Variants in LPIN3 observed in about 807,000 individuals in gnomAD.
LPIN3 encodes the protein lipin 3, also known as phosphatidate phosphatase LPIN3.
LPIN3 carries 82 observed loss-of-function variants against 94.7 expected under a neutral mutation model. That is an observed-to-expected ratio of 0.87 (90% confidence interval 0.72 to 1.04). The LOEUF (loss-of-function observed/expected upper bound fraction) is 1.04, where lower values mean the gene tolerates loss of function less well. Ranked by LOEUF, LPIN3 falls within the 50% of genes least tolerant of loss-of-function variation. LPIN3 has a pLI of 0.00. For synonymous variants in LPIN3, 418 were observed against 443.3 expected, an observed-to-expected ratio of 0.94 and a Z score of 0.72; for missense variants, 996 against 1,090.5, an observed-to-expected ratio of 0.91 and a Z score of 1.22.
Position 41,359,125 on chromosome 20 carries a change from T to A in LPIN3, c.*259T>A. The stretch of plus-strand genomic sequence containing the variant: ...GTCATCTGGGCCCTTGCAGGGTTCT[T>A]TTTTTTTTTTTTTTTTTTTTTTTCC... On this transcript the variant is annotated 3_prime_UTR_variant, in exon 20 of 20. Transcript: ENST00000373257. 19 of 167,826 alleles carry A rather than the reference T, an allele frequency of 1.1e-4. No homozygotes were observed. The highest frequency in any genetic ancestry group is 1.7e-4 in the African/African-American group (6 of 36,338). 10.4% of individuals were successfully genotyped at this position (167,826 alleles called of 1,614,324 possible).
rs772631633 is a variant in LPIN3 at position 41,354,679 on chromosome 20, C to A, written c.1562C>A (p.Pro521His). The A allele has an allele frequency of 6.2e-7, 1 of 1,601,694 alleles. No individual in the cohort carries two copies. Among genetic ancestry groups the A allele is most frequent in the South Asian group, 1.1e-5 (1 of 88,676 alleles). Reference protein sequence around the residue: ...TMDKLEREKMPRKGGRWWFSW... With the variant: ...TMDKLEREKMHRKGGRWWFSW... ...GACAAGCTGGAGAGGGAGAAGATGC[C>A]CCGGAAGGGTGGGCGATGGTGGTTT... Residue 521 changes from proline to histidine, a missense_variant, in exon 12 of 20, where the codon CCC (proline) becomes CAC (histidine). Coordinates refer to ENST00000373257, the MANE Select transcript of LPIN3 (RefSeq NM_022896.3).
Position 41,352,051 on chromosome 20 carries a change from T to C in LPIN3, c.1203-9T>C. ...GTATTCTTGTCATTGTTGGCCCCTT[T>C]GCCTGCAGTGACTCTGGGCTGGGGG... On this transcript the variant is annotated splice_polypyrimidine_tract_variant and intron_variant, in intron 8 of 19. Coordinates refer to ENST00000373257, the MANE Select transcript of LPIN3 (RefSeq NM_022896.3). 6.2e-7 allele frequency: 1 copy of C among 1,614,162 alleles called. No homozygotes were observed. The highest frequency in any genetic ancestry group is 1.1e-5 in the South Asian group (1 of 91,086).
At chr20:41,358,111 G>C (rs776953387) in intron 17 of LPIN3, 77 bp downstream of exon 17, 16 of 1,577,550 alleles carry the variant, frequency 1.0e-5, no homozygotes, top group Non-Finnish European at 1.3e-5. Flanking sequence ...AGCCTTAGCA[G>C]GCTGGCATTA....
chr20:41,349,202 A>G (rs1383785530), intron 5 of LPIN3, 30 bp downstream of exon 5: 1 of 1,597,008 alleles, frequency 6.3e-7, no homozygotes, highest in East Asian at 2.2e-5. Context: ...GCAGGCCAGG[A>G]CTCCAGATCA....
rs1225953204 is a variant in LPIN3, at chr20:41,357,773, G to A, written c.2040-109G>A. The A allele has an allele frequency of 3.5e-6, 5 of 1,435,202 alleles. No homozygotes were observed. The African/African-American group carries it at 5.7e-5, about 16-fold the overall frequency. The allele number at this position is 1,435,202 out of a possible 1,614,324, so 88.9% of individuals were successfully genotyped here. On this transcript the variant is annotated intron_variant, in intron 16 of 19. Transcript: ENST00000373257. ...CTCTTCAAGTCCCCTCCCTGCAAAG[G>A]TTGGAACATCAGAGTCCCACAGTTG... is the stretch of plus-strand genomic sequence containing the variant.
At chr20:41,351,747 G>T in intron 7 of LPIN3, 74 bp from the exon 8 acceptor site, 1 of 1,363,770 alleles carries the variant, frequency 7.3e-7, no homozygotes, top group Non-Finnish European at 1.0e-6. Flanking sequence ...AGAGAATTCA[G>T]AGTCAGAGGG....
At chr20:41,342,011 C>G (rs1600702374) in intron 1 of LPIN3, among the ~76,000 whole-genome samples, 1 of 152,160 alleles carries the variant, frequency 6.6e-6, no homozygotes, top group Non-Finnish European at 1.5e-5. Context: ...TCCAAACTCT[C>G]AACTGCTGGC....
rs769662512 is a variant in LPIN3 at position 41,347,634 on chromosome 20, T to G, written c.275T>G (p.Leu92Arg). The part of the protein sequence containing the change: ...DSGEAFFVQE[L>R]ESDDEHVPPG... ...GGGGAGGCCTTCTTTGTTCAGGAGC[T>G]GGAGAGCGATGATGTGAGTCTGCCC... Residue 92 changes from leucine to arginine, a missense_variant, in exon 3 of 20, where the codon CTG (leucine) becomes CGG (arginine). Transcript: ENST00000373257. 3 of 1,613,746 alleles carry G rather than the reference T, an allele frequency of 1.9e-6. No homozygotes were observed. The South Asian group carries it at 3.3e-5, about 18-fold the overall frequency.
At chr20:41,347,727 A>C (rs2045837778) in intron 3 of LPIN3, 80 bp downstream of exon 3, 1 of 1,287,298 alleles carries the variant, frequency 7.8e-7, no homozygotes, top group Admixed American at 2.2e-5. Context: ...GGGATTTGTC[A>C]CCATCCTCGC....
chr20:41,348,890 G>A lies in LPIN3; in HGVS notation c.557+3G>A, dbSNP rs2045891590. The A allele has an allele frequency of 9.4e-6, 15 of 1,601,524 alleles. No individual in the cohort carries two copies. Among genetic ancestry groups the A allele is most frequent in the Non-Finnish European group, 1.1e-5 (13 of 1,173,570 alleles). On this transcript the variant is annotated splice_donor_region_variant and intron_variant, in intron 4 of 19. Transcript: ENST00000373257. ...AAGCTGAGGCCAGAGCCCCCAGGGT[G>A]TGTAAGGACCAAGGGACTTGAACCC... is the stretch of plus-strand genomic sequence containing the variant.
chr20:41,341,942 A>ACT (rs1418358629), intron 1 of LPIN3, among the ~76,000 whole-genome samples: 1 of 152,120 alleles, frequency 6.6e-6, no homozygotes. Context: ...ATGCCACCGC[A>ACT]CTCCAGTCTG....
chr20:41,343,419 G>A (rs145885224), intron 1 of LPIN3, among the ~76,000 whole-genome samples: 145 of 152,356 alleles, frequency 9.5e-4, no homozygotes, highest in Non-Finnish European at 1.7e-3. Context: ...ATTAGGTAGG[G>A]AGAAACCAAA....
At position 41,345,944 on chromosome 20, in the gene LPIN3, C is replaced by T. The variant is rs41277014; in HGVS notation, c.141C>T (p.Pro47=). The T allele has an allele frequency of 6.2e-7, 1 of 1,614,170 alleles. No individual in the cohort carries two copies. The highest frequency in any genetic ancestry group is 8.5e-7 in the Non-Finnish European group (1 of 1,180,034). Residue 47 remains proline, a synonymous_variant, in exon 2 of 20, where the codon CCC becomes CCT. Coordinates refer to ENST00000373257, the MANE Select transcript of LPIN3 (RefSeq NM_022896.3). ...TGGACGGCTCGTTCCGGTGCTCACC[C>T]TTCCACGTGCGTTTTGGCAAGCTGG... ...KQVDGSFRCS[P]FHVRFGKLGV...
intron 1 of LPIN3, among the ~76,000 whole-genome samples, chr20:41,345,289 G>A (rs778485891): frequency 3.0e-4 from 45 of 152,232 alleles, no homozygotes; most frequent in South Asian, 6.2e-4. Context: ...CCATCCCAGT[G>A]GAACCACACA....
At chr20:41,350,763 T>A (rs948567928) in intron 7 of LPIN3, among the ~76,000 whole-genome samples, 1 of 152,110 alleles carries the variant, frequency 6.6e-6, no homozygotes, top group African/African-American at 2.4e-5. Flanking sequence ...GAGAGAAGTT[T>A]CATGTCCAGA....
intron 15 of LPIN3, 72 bp from the exon 16 acceptor site, chr20:41,357,289 G>T (rs990493072): frequency 4.4e-6 from 7 of 1,601,464 alleles, no homozygotes; most frequent in African/African-American, 1.3e-5. Context: ...CTCCCTTCCT[G>T]GTGGGCCATC....
rs1379112727 is a variant in LPIN3, at chr20:41,352,543, G to A, written c.1364-63G>A. Reference sequence around the variant, plus strand: ...AGCAGCAGAGTGGGGAGCACCAGGGGGCTGGGGCAGCGGGTCACATGGGAT... The same window carrying A: ...AGCAGCAGAGTGGGGAGCACCAGGGAGCTGGGGCAGCGGGTCACATGGGAT... On this transcript the variant is annotated intron_variant, in intron 9 of 19. Coordinates refer to ENST00000373257, the MANE Select transcript of LPIN3 (RefSeq NM_022896.3). The A allele has an allele frequency of 4.0e-5, 56 of 1,412,096 alleles. 1 individual carries two copies. Among genetic ancestry groups the A allele is most frequent in the Non-Finnish European group, 5.0e-5 (50 of 998,474 alleles). 87.5% of individuals were successfully genotyped at this position (1,412,096 alleles called of 1,614,324 possible).
Position 41,358,177 on chromosome 20 carries a change from T to C in LPIN3, c.2193-60T>C, listed in dbSNP as rs1160585843. On this transcript the variant is annotated intron_variant, in intron 17 of 19. Transcript: ENST00000373257. ...GACCCCCCATCACCTGAGCCTGCCA[T>C]CCCCTCTGGCTTCTTCCCTACTTTG... 6 of 1,589,238 alleles carry C rather than the reference T, an allele frequency of 3.8e-6. No homozygotes were observed. The East Asian group carries it at 1.3e-4, about 36-fold the overall frequency.
chr20:41,345,824 G>T lies in LPIN3; in HGVS notation c.21G>T (p.Leu7=). 6.2e-7 allele frequency: 1 copy of T among 1,613,404 alleles called. No homozygotes were observed. The highest frequency in any genetic ancestry group is 8.5e-7 in the Non-Finnish European group (1 of 1,179,480). MNYVGQ[L]AETVFGTVKE... Reference sequence around the variant, plus strand: ...CAGCCATGAACTACGTGGGGCAGCTGGCGGAGACGGTGTTTGGGACGGTGA... The same window carrying T: ...CAGCCATGAACTACGTGGGGCAGCTTGCGGAGACGGTGTTTGGGACGGTGA... The change falls in exon 2 of 20, where the codon CTG becomes CTT. Residue 7 remains leucine (L), a synonymous_variant. Transcript: ENST00000373257.
Sources: allele counts gnomAD v4.1 joint callset (sites outside exome capture counted in the v4.1 genomes callset), GRCh38; gene constraint gnomAD v4.1.1; transcripts MANE v1.5; gene names NCBI Gene and HGNC (gene_info 2026-07-23, HGNC 2026-07-21).